Variants in SBK1 observed in about 807,000 individuals in gnomAD.
The protein encoded by SBK1 is SH3 domain binding kinase 1, also known as serine/threonine-protein kinase SBK1.
A neutral mutation model predicts 24.4 loss-of-function variants in SBK1; 11 were observed. The ratio of observed to expected loss-of-function variants is 0.45; its 90% CI spans 0.28 to 0.75. The LOEUF (loss-of-function observed/expected upper bound fraction) is 0.75. SBK1 is among the 30% of genes least tolerant of loss of function. The pLI is 0.12. For missense variants in SBK1, 467 were observed against 620.5 expected, an observed-to-expected ratio of 0.75 and a Z score of 2.63; for synonymous variants, 308 against 284.4, an observed-to-expected ratio of 1.08 and a Z score of -0.83.
intron 1 of SBK1, among the ~76,000 whole-genome samples, chr16:28,277,803 A>G (rs963074587): frequency 6.6e-6 from 1 of 152,184 alleles, no homozygotes; most frequent in Non-Finnish European, 1.5e-5. Context: ...CAGATAGAAC[A>G]GAGACAGAGA....
At chr16:28,266,607 C>G (rs1459348052) in intron 1 of SBK1, among the ~76,000 whole-genome samples, 2 of 152,088 alleles carry the variant, frequency 1.3e-5, no homozygotes, top group Middle Eastern at 3.4e-3. Context: ...ATGCTACAGG[C>G]AAGAACCCAT....
At position 28,317,171 on chromosome 16, in the gene SBK1, C is replaced by T. The variant is rs1158154894; in HGVS notation, c.-7-214C>T. ...TGGTGCCACCAAGCGCAGGGTCTGG[C>T]AGTGACTGGTCTTCGGGGAGCTGAC... On this transcript the variant is annotated intron_variant, in intron 1 of 3. Transcript: ENST00000341901. The surrounding 1 kb of genome is among the most constrained non-coding windows in gnomAD (Gnocchi z 4.2). 6.6e-6 allele frequency among the ~76,000 whole-genome samples: 1 copy of T among 152,090 alleles called. No individual in the cohort carries two copies. Among genetic ancestry groups the T allele is most frequent in the East Asian group, 1.9e-4 (1 of 5,186 alleles).
intron 1 of SBK1, chr16:28,285,820 T>C (rs1476709346): frequency 2.0e-5 from 3 of 152,248 alleles, no homozygotes; most frequent in Non-Finnish European, 2.9e-5. Flanking sequence ...GCTGTTCTTC[T>C]TGTACGGGGT....
At chr16:28,318,761 C>T (rs773309106) in intron 2 of SBK1, among the ~76,000 whole-genome samples, 2 of 152,312 alleles carry the variant, frequency 1.3e-5, no homozygotes, top group Non-Finnish European at 2.9e-5. Context: ...CAGGCCCCCT[C>T]GCCCCCTCCT....
intron 1 of SBK1, among the ~76,000 whole-genome samples, chr16:28,282,294 A>G (rs1312657333): frequency 6.6e-6 from 1 of 152,006 alleles, no homozygotes; most frequent in Non-Finnish European, 1.5e-5. Flanking sequence ...GAAAGGAGGA[A>G]GAGGTGTCTG....
At chr16:28,273,169 C>A (rs369883056) in intron 1 of SBK1, among the ~76,000 whole-genome samples, 4 of 151,964 alleles carry the variant, frequency 2.6e-5, no homozygotes, top group East Asian at 1.9e-4. Context: ...CTTTGAACTC[C>A]CAAAGTGCTG....
chr16:28,285,599 A>G (rs1011212008), intron 1 of SBK1: 1 of 152,222 alleles, frequency 6.6e-6, no homozygotes, highest in Admixed American at 6.5e-5. Flanking sequence ...AATTCCTATT[A>G]TACTCCCCGC....
chr16:28,264,090 C>A (rs915498187), intron 1 of SBK1, among the ~76,000 whole-genome samples: 1 of 151,928 alleles, frequency 6.6e-6, no homozygotes, highest in Non-Finnish European at 1.5e-5. Flanking sequence ...GATTGTGTCA[C>A]CACACTTTAG....
chr16:28,273,144 C>CA (rs2044477071), intron 1 of SBK1, among the ~76,000 whole-genome samples: 1 of 151,828 alleles, frequency 6.6e-6, no homozygotes, highest in Non-Finnish European at 1.5e-5. Context: ...CTCATGGCCT[C>CA]AAGCAGTCCC....
intron 1 of SBK1, among the ~76,000 whole-genome samples, chr16:28,270,366 A>G (rs984687107): frequency 6.6e-6 from 1 of 151,608 alleles, no homozygotes; most frequent in African/African-American, 2.4e-5. Flanking sequence ...TGCCGGAACT[A>G]TGTTTCCAAA....
chr16:28,261,613 G>C (rs2044398451), intron 1 of SBK1, among the ~76,000 whole-genome samples: 1 of 152,206 alleles, frequency 6.6e-6, no homozygotes, highest in Non-Finnish European at 1.5e-5. Context: ...CTAGGCGACA[G>C]AGTGAGACCC....
intron 1 of SBK1, among the ~76,000 whole-genome samples, chr16:28,269,236 T>A (rs1297367289): frequency 6.6e-6 from 1 of 151,620 alleles, no homozygotes; most frequent in Non-Finnish European, 1.5e-5. Context: ...GGTTTCACCA[T>A]GTTAGTCAGG....
chr16:28,270,586 G>T (rs1449088577), intron 1 of SBK1, among the ~76,000 whole-genome samples: 1 of 151,384 alleles, frequency 6.6e-6, no homozygotes, highest in African/African-American at 2.4e-5. Flanking sequence ...CACCACACCC[G>T]GCCAATTTTT....
At chr16:28,314,357 G>A (rs1026859978) in intron 1 of SBK1, among the ~76,000 whole-genome samples, 2 of 144,610 alleles carry the variant, frequency 1.4e-5, no homozygotes, top group Non-Finnish European at 3.0e-5. Flanking sequence ...TGGAGACAGG[G>A]TCTTGCTCAG....
rs761669761 is a variant in SBK1 at position 28,320,822 on chromosome 16, C to T, written c.1176C>T (p.Pro392=). 6 of 1,456,282 alleles carry T rather than the reference C, an allele frequency of 4.1e-6. No homozygotes were observed. Among genetic ancestry groups the T allele is most frequent in the East Asian group, 3.2e-5 (1 of 31,214 alleles). 90.2% of individuals were successfully genotyped at this position (1,456,282 alleles called of 1,614,324 possible). A position where few individuals can be genotyped will look rare whatever the true frequency, so the allele number is the denominator to read the frequency against. ...CCGTGCCGGTGCCTGTGCCCGAGCC[C>T]GGCCTAGCTCCCCAGGGGCCCCCCG... ...PVPVPVPVPE[P]GLAPQGPPGR... The change falls in exon 4 of 4, where the codon CCC becomes CCT. Residue 392 remains proline (P), a synonymous_variant. Transcript: ENST00000341901. The surrounding 1 kb of genome is among the most constrained non-coding windows in gnomAD (Gnocchi z 8.5).
intron 1 of SBK1, chr16:28,286,296 T>G (rs1247818891): frequency 2.6e-5 from 4 of 152,260 alleles, no homozygotes; most frequent in African/African-American, 4.8e-5. Context: ...TCCCAGCTAC[T>G]CAGGATGCTG....
intron 1 of SBK1, among the ~76,000 whole-genome samples, chr16:28,281,977 A>T (rs1201525046): frequency 6.6e-6 from 1 of 152,016 alleles, no homozygotes; most frequent in Non-Finnish European, 1.5e-5. Context: ...TCCTCCTCTG[A>T]GGGTGGAAGA....
rs1393456135 is a variant in SBK1, at chr16:28,292,743, G to C, written c.-565G>C. On this transcript the variant is annotated 5_prime_UTR_variant, in exon 1 of 4. Transcript: ENST00000341901. ...CCACTAAAGCCCCCGCAGCCGAGGA[G>C]TGCGGGGAGCCCCCTTCCACATCCA... 1.0e-6 allele frequency: 1 copy of C among 984,898 alleles called. No individual in the cohort carries two copies. The highest frequency in any genetic ancestry group is 1.2e-6 in the Non-Finnish European group (1 of 829,606). The allele number at this position is 984,898 out of a possible 1,614,324, so 61.0% of individuals were successfully genotyped here. A position where few individuals can be genotyped will look rare whatever the true frequency, so the allele number is the denominator to read the frequency against.
intron 1 of SBK1, among the ~76,000 whole-genome samples, chr16:28,314,902 C>G (rs979824988): frequency 6.6e-6 from 1 of 152,016 alleles, no homozygotes; most frequent in Non-Finnish European, 1.5e-5. Flanking sequence ...TTGTTTGAAC[C>G]CAAGAGGCGG....
Sources: allele counts gnomAD v4.1 joint callset (sites outside exome capture counted in the v4.1 genomes callset), GRCh38; gene constraint gnomAD v4.1.1; non-coding constraint Gnocchi (gnomAD v3.1); transcripts MANE v1.5; gene names NCBI Gene and HGNC (gene_info 2026-07-23, HGNC 2026-07-21).